Variants in RUNX3 observed in about 807,000 individuals in gnomAD.
The protein encoded by RUNX3 is runt-related transcription factor 3.
RUNX3 carries 10 observed loss-of-function variants against 27.7 expected under a neutral mutation model. The ratio of observed to expected loss-of-function variants is 0.36; its 90% CI spans 0.22 to 0.61. The LOEUF is 0.61. RUNX3 is among the 20% of genes least tolerant of loss of function. The probability of loss-of-function intolerance (pLI) is 0.72; values close to 1 mark genes in which losing one functional copy is unlikely to be tolerated. For synonymous variants in RUNX3, 270 were observed against 269.2 expected (o/e 1.00, Z -0.03); for missense variants, 469 against 629.5 (o/e 0.75, Z 2.73).
intron 3 of RUNX3, among the ~76,000 whole-genome samples, chr1:24,907,623 TAAACCTCTACAACACACGGTGATCC>T (rs1640692907): frequency 2.6e-5 from 4 of 152,156 alleles, no homozygotes; most frequent in Non-Finnish European, 5.9e-5. Context: ...CCCACATATC[TAAACCTCTACAACACACGGTGATCC>T]AAACCTCTAC....
intron 2 of RUNX3, among the ~76,000 whole-genome samples, chr1:24,960,504 G>A (rs1258993077): frequency 6.6e-6 from 1 of 152,186 alleles, no homozygotes; most frequent in Non-Finnish European, 1.5e-5. Context: ...ACAGATGAAC[G>A]CGTTTGCCCC....
intron 1 of RUNX3, chr1:24,928,690 C>T (rs887399612): frequency 5.5e-5 from 11 of 199,286 alleles, no homozygotes; most frequent in African/African-American, 2.4e-4. Flanking sequence ...GGGCCTCCCG[C>T]CCCTCCCGGC....
intron 2 of RUNX3, among the ~76,000 whole-genome samples, chr1:24,947,954 G>A (rs1272368733): frequency 6.6e-6 from 1 of 152,214 alleles, no homozygotes; most frequent in African/African-American, 2.4e-5. Flanking sequence ...GGGTGACCTG[G>A]GGAGGCCCCA....
intron 2 of RUNX3, among the ~76,000 whole-genome samples, chr1:24,946,251 A>G (rs1334898871): frequency 6.6e-6 from 1 of 152,224 alleles, no homozygotes; most frequent in East Asian, 1.9e-4. Context: ...TTGGAAAATA[A>G]TAAAATTATG....
intron 3 of RUNX3, among the ~76,000 whole-genome samples, chr1:24,907,888 C>T (rs1318420309): frequency 6.6e-6 from 1 of 151,856 alleles, no homozygotes; most frequent in Admixed American, 6.5e-5. Flanking sequence ...CTCTACAACA[C>T]GCGGTGATCT....
rs1427593800 is a variant in RUNX3 at position 24,902,398 on chromosome 1, C to A, written c.972G>T (p.Gln324His). Residue 324 changes from glutamine (Q) to histidine (H), a missense_variant, in exon 5 of 5, where the codon CAG (glutamine) becomes CAT (histidine). Physicochemically the swap from Gln to His is conservative, Grantham distance 24. Transcript: ENST00000308873. The surrounding 1 kb of genome is among the most constrained non-coding windows in gnomAD (Gnocchi z 9.2). ...AGAGGTGGTAGGGGGACGGGTTGGCCTGGAAGGGCCCGCTCTGGTTCTGCG... is the reference window on the plus strand; with the variant it reads ...AGAGGTGGTAGGGGGACGGGTTGGCATGGAAGGGCCCGCTCTGGTTCTGCG... ...GAPQNQSGPFQANPSPYHLYY... is the reference protein window; with the variant it reads ...GAPQNQSGPFHANPSPYHLYY... 1 of 1,612,808 alleles carries A rather than the reference C, an allele frequency of 6.2e-7. No homozygotes were observed. The highest frequency in any genetic ancestry group is 1.1e-5 in the South Asian group (1 of 91,074).
chr1:24,913,850 T>C (rs2236850), intron 3 of RUNX3, among the ~76,000 whole-genome samples: 85,609 of 152,122 alleles, frequency 0.56, 26,774 homozygotes, highest in African/African-American at 0.86. Flanking sequence ...GGTTACCCCC[T>C]TGCCTCCATG....
At chr1:24,941,501 G>A (rs569553491) in intron 2 of RUNX3, among the ~76,000 whole-genome samples, 20 of 152,306 alleles carry the variant, frequency 1.3e-4, no homozygotes, top group African/African-American at 4.8e-4. Flanking sequence ...GTAGGACAAC[G>A]GAGGCATAGC....
At chr1:24,936,449 A>G (rs1292138442) in intron 2 of RUNX3, among the ~76,000 whole-genome samples, 1 of 152,192 alleles carries the variant, frequency 6.6e-6, no homozygotes, top group East Asian at 1.9e-4. Context: ...ACAGTCATGG[A>G]ATAGAATTAG....
chr1:24,914,548 C>T (rs532983044), intron 3 of RUNX3, among the ~76,000 whole-genome samples: 3 of 152,248 alleles, frequency 2.0e-5, no homozygotes, highest in Non-Finnish European at 4.4e-5. Flanking sequence ...CGGGGGCCAG[C>T]GGGCAGGGAG....
At chr1:24,948,582 A>G (rs1374840667) in intron 2 of RUNX3, among the ~76,000 whole-genome samples, 2 of 145,860 alleles carry the variant, frequency 1.4e-5, no homozygotes. Context: ...AGGGCCATGT[A>G]CAGGGCAGGG....
chr1:24,948,072 G>C (rs905696514), intron 2 of RUNX3, among the ~76,000 whole-genome samples: 1 of 152,198 alleles, frequency 6.6e-6, no homozygotes, highest in Non-Finnish European at 1.5e-5. Flanking sequence ...CCCTGACTCT[G>C]TCACATCAGT....
At chr1:24,948,137 C>T (rs911331711) in intron 2 of RUNX3, among the ~76,000 whole-genome samples, 1 of 152,182 alleles carries the variant, frequency 6.6e-6, no homozygotes, top group Non-Finnish European at 1.5e-5. Flanking sequence ...TGGACAGGAG[C>T]TCGTGGCAGG....
At chr1:24,949,394 T>G (rs1641700846) in intron 2 of RUNX3, among the ~76,000 whole-genome samples, 11 of 151,968 alleles carry the variant, frequency 7.2e-5, no homozygotes, top group Admixed American at 7.2e-4. Flanking sequence ...GACCACTCAT[T>G]TATTCATTCC....
At chr1:24,903,749 C>T (rs955099317) in intron 4 of RUNX3, among the ~76,000 whole-genome samples, 3 of 152,170 alleles carry the variant, frequency 2.0e-5, no homozygotes, top group East Asian at 1.9e-4. Flanking sequence ...GGAGCTGTCC[C>T]GTCTTTGAGG....
Position 24,901,814 on chromosome 1 carries a change from G to C in RUNX3, c.*308C>G. 2.5e-6 allele frequency: 1 copy of C among 398,604 alleles called. No individual in the cohort carries two copies. Among genetic ancestry groups the C allele is most frequent in the Non-Finnish European group, 4.6e-6 (1 of 218,982 alleles). The allele number at this position is 398,604 out of a possible 1,614,324, so 24.7% of individuals were successfully genotyped here. A position where few individuals can be genotyped will look rare whatever the true frequency, so the allele number is the denominator to read the frequency against. On this transcript the variant is annotated 3_prime_UTR_variant, in exon 5 of 5. Coordinates refer to ENST00000308873, the MANE Select transcript of RUNX3 (RefSeq NM_004350.3). Reference sequence around the variant, plus strand: ...GTCCCATGCAGCACTGGGCATAGCTGGAGACAGTGAGGTCCTTCCGGGGGG... The same window carrying C: ...GTCCCATGCAGCACTGGGCATAGCTCGAGACAGTGAGGTCCTTCCGGGGGG...
intron 2 of RUNX3, among the ~76,000 whole-genome samples, chr1:24,958,787 C>T (rs938941665): frequency 3.3e-5 from 5 of 152,212 alleles, no homozygotes; most frequent in African/African-American, 1.2e-4. Context: ...CAGGGCTCCC[C>T]AGTGGCTGCA....
At chr1:24,952,554 C>T (rs1350823153) in intron 2 of RUNX3, among the ~76,000 whole-genome samples, 2 of 152,238 alleles carry the variant, frequency 1.3e-5, no homozygotes, top group African/African-American at 4.8e-5. Context: ...ATGCCACCCT[C>T]ATTTCCTGCT....
At position 24,902,251 on chromosome 1, in the gene RUNX3, G is replaced by C; in HGVS notation, c.1119C>G (p.Ala373=). The change falls in exon 5 of 5, where the codon GCC becomes GCG. Residue 373 remains alanine (A), a synonymous_variant. Transcript: ENST00000308873. This position sits in a 1 kb window ranked among gnomAD's most constrained non-coding sequence, Gnocchi z 9.2. ...CCAGGCTGGGGTTCATGAGGTTGCC[G>C]GCGGCGACAGAGGCAGCGCTGCTGG... is the stretch of plus-strand genomic sequence containing the variant. ...SCTSSAASVA[A]GNLMNPSLGG... The C allele has an allele frequency of 6.3e-7, 1 of 1,584,524 alleles. No individual in the cohort carries two copies. The highest frequency in any genetic ancestry group is 8.6e-7 in the Non-Finnish European group (1 of 1,167,690).
Sources: gnomAD v4.1 joint callset for allele counts (sites outside exome capture counted in the v4.1 genomes callset) on GRCh38, gnomAD v4.1.1 for gene constraint, Gnocchi (gnomAD v3.1) non-coding constraint, MANE v1.5 for transcripts, NCBI Gene and HGNC (gene_info 2026-07-23, HGNC 2026-07-21) for gene names.